DCPH1: variants seen among roughly 807,000 people sequenced by gnomAD.
DCPH1 encodes damage control phosphatase 1, also known as damage-control phosphatase 1.
the DCPH1 span, among the ~76,000 whole-genome samples, chr6:151,455,317 G>A: frequency 6.6e-6 from 1 of 152,190 alleles, no homozygotes; most frequent in South Asian, 2.1e-4. Flanking sequence ...AAGAAATAAG[G>A]GGACCTGGGG....
the DCPH1 span, among the ~76,000 whole-genome samples, chr6:151,457,758 CT>C: frequency 2.0e-5 from 3 of 150,248 alleles, no homozygotes; most frequent in African/African-American, 2.4e-5. Context: ...CTTACATTTT[CT>C]TTTTTTTTAA....
the DCPH1 span, among the ~76,000 whole-genome samples, chr6:151,453,266 G>C: frequency 3.3e-5 from 5 of 152,164 alleles, no homozygotes; most frequent in Admixed American, 2.6e-4. Context: ...GCGCCCTAGG[G>C]CTTCTGGCCT....
the DCPH1 span, among the ~76,000 whole-genome samples, chr6:151,467,206 G>A: frequency 1.3e-5 from 2 of 150,460 alleles, no homozygotes; most frequent in South Asian, 2.1e-4. Flanking sequence ...AGCCAAGATC[G>A]CACCACCGCA....
the DCPH1 span, among the ~76,000 whole-genome samples, chr6:151,453,080 A>G: frequency 1.3e-5 from 2 of 152,236 alleles, no homozygotes; most frequent in African/African-American, 4.8e-5. Flanking sequence ...CGAATGGCCA[A>G]ATTTATATTT....
chr6:151,466,023 A>G, the DCPH1 span, among the ~76,000 whole-genome samples: 6 of 152,296 alleles, frequency 3.9e-5, no homozygotes, highest in East Asian at 7.7e-4. Flanking sequence ...GGTTTAAGCA[A>G]TTCTCCTGCC....
At chr6:151,452,664 C>G in the DCPH1 span, 10 of 1,404,204 alleles carry the variant, frequency 7.1e-6, no homozygotes, top group Non-Finnish European at 9.7e-6. Context: ...AAGCGGAGGG[C>G]GCCCGCTCCC....
chr6:151,452,533 A>G, the DCPH1 span: 1 of 1,611,444 alleles, frequency 6.2e-7, no homozygotes, highest in Non-Finnish European at 8.5e-7. Flanking sequence ...TGCGGCCGGG[A>G]TCGCGGAAAG....
At chr6:151,463,805 C>A in the DCPH1 span, among the ~76,000 whole-genome samples, 4 of 152,154 alleles carry the variant, frequency 2.6e-5, no homozygotes. Flanking sequence ...ATTTATATCT[C>A]CTTAGTTATG....
chr6:151,454,755 A>G, the DCPH1 span: 6 of 596,700 alleles, frequency 1.0e-5, no homozygotes, highest in Non-Finnish European at 1.8e-5. Flanking sequence ...AAAAATCAAT[A>G]GATGGGCCAA....
chr6:151,454,683 G>A, the DCPH1 span: 6 of 1,118,448 alleles, frequency 5.4e-6, no homozygotes, highest in Non-Finnish European at 7.9e-6. Context: ...TTAATTTTTT[G>A]TTAATTTCTC....
At chr6:151,452,673 C>T in the DCPH1 span, 10 of 1,347,662 alleles carry the variant, frequency 7.4e-6, no homozygotes, top group South Asian at 1.3e-5. Context: ...GCGCCCGCTC[C>T]CCGGTGGGCT....
the DCPH1 span, chr6:151,469,311 T>C: frequency 7.1e-6 from 3 of 423,704 alleles, no homozygotes; most frequent in Non-Finnish European, 1.2e-5. Context: ...ATAGCTGGGT[T>C]AAGCAAGTTA....
the DCPH1 span, among the ~76,000 whole-genome samples, chr6:151,467,572 T>C: frequency 6.6e-6 from 1 of 152,212 alleles, no homozygotes; most frequent in Admixed American, 6.5e-5. Flanking sequence ...TAAGTACTAG[T>C]ATCTCGTTTT....
the DCPH1 span, among the ~76,000 whole-genome samples, chr6:151,459,903 C>T: frequency 6.6e-6 from 1 of 152,140 alleles, no homozygotes; most frequent in African/African-American, 2.4e-5. Flanking sequence ...TAAGAGGAAT[C>T]CTTTGGTATC....
the DCPH1 span, chr6:151,452,488 G>T: frequency 1.3e-6 from 2 of 1,593,788 alleles, no homozygotes; most frequent in Non-Finnish European, 1.7e-6. Flanking sequence ...CGGCGGTACC[G>T]CCTCTGTTTC....
the DCPH1 span, among the ~76,000 whole-genome samples, chr6:151,453,437 C>A: frequency 6.6e-6 from 1 of 152,186 alleles, no homozygotes; most frequent in African/African-American, 2.4e-5. Flanking sequence ...TTCCTGCTCA[C>A]CCTCTGAGGT....
At chr6:151,468,778 A>C in the DCPH1 span, 1 of 1,614,116 alleles carries the variant, frequency 6.2e-7, no homozygotes, top group Non-Finnish European at 8.5e-7. Flanking sequence ...GGTTTACCAC[A>C]ATCATATATT....
chr6:151,452,604 C>T, the DCPH1 span: 2 of 1,600,100 alleles, frequency 1.2e-6, no homozygotes, highest in Non-Finnish European at 1.7e-6. Flanking sequence ...TAGCTTTTCT[C>T]CTCCCCACTT....
chr6:151,455,214 G>T, the DCPH1 span, among the ~76,000 whole-genome samples: 1 of 152,204 alleles, frequency 6.6e-6, no homozygotes, highest in Non-Finnish European at 1.5e-5. Flanking sequence ...TGTTATTGAA[G>T]GGGTGGGTTG....
Sources: allele counts gnomAD v4.1 joint callset (sites outside exome capture counted in the v4.1 genomes callset), GRCh38; gene constraint gnomAD v4.1.1; transcripts MANE v1.5; gene names NCBI Gene and HGNC (gene_info 2026-07-23, HGNC 2026-07-21).